OSTN: variants seen among roughly 807,000 people sequenced by gnomAD.
OSTN encodes the protein osteocrin.
In OSTN, 9 loss-of-function variants were observed where a neutral mutation model predicts 12.0. The ratio of observed to expected loss-of-function variants is 0.75; its 90% CI spans 0.45 to 1.30. The LOEUF (loss-of-function observed/expected upper bound fraction) is 1.30. OSTN is among the 50% of genes most tolerant of loss of function. The pLI, the probability that OSTN is intolerant of heterozygous loss-of-function variation, is 0.00. For synonymous variants in OSTN, 59 were observed against 56.9 expected (o/e 1.04, Z -0.16); for missense variants, 148 against 152.3 (o/e 0.97, Z 0.15).
intron 3 of OSTN, among the ~76,000 whole-genome samples, chr3:191,248,163 A>T (rs1715477801): frequency 1.3e-5 from 2 of 152,282 alleles, no homozygotes; most frequent in Non-Finnish European, 2.9e-5. Context: ...TATTTACTTC[A>T]TAGTAATATC....
Position 191,213,692 on chromosome 3 carries a change from T to C in OSTN, c.102+1058T>C, listed in dbSNP as rs565332866. ...AGTTTATTTGATCTTATTAGAAACA[T>C]GTTCTTTGTGTTTCTTAAATAGCAT... On this transcript the variant is annotated intron_variant, in intron 2 of 4. Coordinates refer to ENST00000682035, the MANE Select transcript of OSTN (RefSeq NM_198184.2). Among the ~76,000 whole-genome samples, 10 of 152,040 alleles carry C rather than the reference T, an allele frequency of 6.6e-5. No homozygotes were observed. In the South Asian group the frequency reaches 2.1e-3, roughly 32 times the overall value.
intron 3 of OSTN, among the ~76,000 whole-genome samples, chr3:191,230,494 G>A (rs1032873788): frequency 6.6e-6 from 1 of 150,466 alleles, no homozygotes; most frequent in Non-Finnish European, 1.5e-5. Context: ...AACGTGGGAG[G>A]TGGAGGTTGC....
chr3:191,235,526 A>C (rs1715166838), intron 3 of OSTN, among the ~76,000 whole-genome samples: 1 of 152,204 alleles, frequency 6.6e-6, no homozygotes, highest in Non-Finnish European at 1.5e-5. Context: ...GCTTTGGTGA[A>C]TGCTCAAAGC....
At chr3:191,253,354 A>G (rs1715604476) in intron 4 of OSTN, among the ~76,000 whole-genome samples, 1 of 152,196 alleles carries the variant, frequency 6.6e-6, no homozygotes, top group Non-Finnish European at 1.5e-5. Flanking sequence ...CTGCTCTATG[A>G]TGCCTACTAT....
intron 3 of OSTN, among the ~76,000 whole-genome samples, chr3:191,238,537 A>G (rs1715252308): frequency 6.6e-6 from 1 of 152,232 alleles, no homozygotes; most frequent in South Asian, 2.1e-4. Flanking sequence ...AGAGGAAACG[A>G]GGCTGTGATA....
At chr3:191,232,115 G>A (rs537649526) in intron 3 of OSTN, among the ~76,000 whole-genome samples, 1 of 152,058 alleles carries the variant, frequency 6.6e-6, no homozygotes, top group African/African-American at 2.4e-5. Flanking sequence ...CAGAGCACCT[G>A]AGGTTAGGAG....
At chr3:191,233,099 TA>T (rs1218948188) in intron 3 of OSTN, among the ~76,000 whole-genome samples, 1 of 151,994 alleles carries the variant, frequency 6.6e-6, no homozygotes, top group Non-Finnish European at 1.5e-5. Flanking sequence ...AAAAGGAAAT[TA>T]ACTCTACTTT....
Position 191,263,792 on chromosome 3 carries a change from G to A in OSTN, c.*939G>A, listed in dbSNP as rs1439723657. ...GCCAATTGAAGAGCATAATGATTTT[G>A]AGAATGATTTCTTAAAAATCATTCA... On this transcript the variant is annotated 3_prime_UTR_variant, in exon 5 of 5. Coordinates refer to ENST00000682035, the MANE Select transcript of OSTN (RefSeq NM_198184.2). 1.3e-5 allele frequency: 2 copies of A among 152,074 alleles called. No individual in the cohort carries two copies. The highest frequency in any genetic ancestry group is 3.8e-4 in the East Asian group (2 of 5,198). The allele number at this position is 152,074 out of a possible 1,614,324, so 9.4% of individuals were successfully genotyped here.
intron 1 of OSTN, among the ~76,000 whole-genome samples, chr3:191,199,983 A>C (rs1362262746): frequency 1.3e-5 from 2 of 152,148 alleles, no homozygotes; most frequent in African/African-American, 4.8e-5. Context: ...GTGTGCACTC[A>C]GTGAATTCAG....
At chr3:191,207,427 T>G (rs1412353382) in intron 1 of OSTN, among the ~76,000 whole-genome samples, 1 of 151,826 alleles carries the variant, frequency 6.6e-6, no homozygotes, top group Non-Finnish European at 1.5e-5. Context: ...CACATGCAGA[T>G]AGTTTAAAAG....
intron 4 of OSTN, among the ~76,000 whole-genome samples, chr3:191,257,596 G>A (rs576253493): frequency 3.9e-5 from 6 of 152,200 alleles, no homozygotes; most frequent in South Asian, 2.1e-4. Flanking sequence ...CCTCTGAATC[G>A]AAAGGCTGTA....
At chr3:191,232,506 C>CTATATATATATATATATATATATATA (rs150235705) in intron 3 of OSTN, among the ~76,000 whole-genome samples, 2 of 146,322 alleles carry the variant, frequency 1.4e-5, no homozygotes, top group African/African-American at 2.5e-5. Flanking sequence ...AAAGTAAATG[C>CTATATATATATATATATATATATATA]TATATATATA....
At chr3:191,238,114 A>G (rs1408572613) in intron 3 of OSTN, among the ~76,000 whole-genome samples, 1 of 152,214 alleles carries the variant, frequency 6.6e-6, no homozygotes, top group African/African-American at 2.4e-5. Flanking sequence ...TTATTTGGTC[A>G]TCTCCAGAGG....
At chr3:191,242,273 C>A (rs1238180920) in intron 3 of OSTN, among the ~76,000 whole-genome samples, 2 of 152,108 alleles carry the variant, frequency 1.3e-5, no homozygotes, top group Non-Finnish European at 2.9e-5. Flanking sequence ...ATGCCACTTA[C>A]AACCACAAAA....
chr3:191,249,732 C>G (rs916274043), intron 3 of OSTN, among the ~76,000 whole-genome samples: 3 of 152,132 alleles, frequency 2.0e-5, no homozygotes, highest in Non-Finnish European at 2.9e-5. Flanking sequence ...CAAACTAAAG[C>G]ACTTAGTTGG....
At chr3:191,262,110 C>T (rs1047349788) in intron 4 of OSTN, among the ~76,000 whole-genome samples, 4 of 151,966 alleles carry the variant, frequency 2.6e-5, no homozygotes, top group African/African-American at 7.3e-5. Flanking sequence ...CCCAGCTACT[C>T]GGGAGACTGA....
rs534151466 is a variant in OSTN at position 191,258,055 on chromosome 3, T to A, written c.*13-4811T>A. On this transcript the variant is annotated intron_variant, in intron 4 of 4. Coordinates refer to ENST00000682035, the MANE Select transcript of OSTN (RefSeq NM_198184.2). ...CAGATTGAAACTATGCCTTTGTAAA[T>A]GGAAAAATTTAAGGCTTATCTGGAG... Among the ~76,000 whole-genome samples, 236 of 152,274 alleles carry A rather than the reference T, an allele frequency of 1.5e-3. 1 individual carries two copies. The highest frequency in any genetic ancestry group is 5.4e-3 in the African/African-American group (224 of 41,554).
At chr3:191,240,871 T>G (rs1465694430) in intron 3 of OSTN, among the ~76,000 whole-genome samples, 1 of 152,224 alleles carries the variant, frequency 6.6e-6, no homozygotes, top group Non-Finnish European at 1.5e-5. Context: ...TCCAACAAAG[T>G]GAGGCAGAAG....
At chr3:191,218,649 T>A (rs1576926085) in intron 2 of OSTN, 98 bp from the exon 3 acceptor site, 1 of 925,270 alleles carries the variant, frequency 1.1e-6, no homozygotes, top group East Asian at 2.6e-5. Flanking sequence ...TGTTACATGA[T>A]GAGTATGTCA....
Sources: allele counts gnomAD v4.1 joint callset (sites outside exome capture counted in the v4.1 genomes callset), GRCh38; gene constraint gnomAD v4.1.1; transcripts MANE v1.5; gene names NCBI Gene and HGNC (gene_info 2026-07-23, HGNC 2026-07-21).